FRMD3: variants seen among roughly 807,000 people sequenced by gnomAD.
FRMD3 encodes FERM domain containing 3, also known as FERM domain-containing protein 3.
A neutral mutation model predicts 70.2 loss-of-function variants in FRMD3; 33 were observed. That is an observed-to-expected ratio of 0.47 (90% CI 0.36 to 0.63). FRMD3 has a LOEUF of 0.63. FRMD3 is among the 20% of genes least tolerant of loss of function. The pLI is 0.00. For synonymous variants in FRMD3, 279 were observed against 255.9 expected (o/e 1.09, Z -0.86); for missense variants, 632 against 711.4 (o/e 0.89, Z 1.27).
chr9:83,421,222 G>A (rs1826632704), intron 1 of FRMD3, among the ~76,000 whole-genome samples: 1 of 151,942 alleles, frequency 6.6e-6, no homozygotes, highest in Admixed American at 6.6e-5. Context: ...TTACAGGCGT[G>A]AGCCACCGCG....
intron 2 of FRMD3, among the ~76,000 whole-genome samples, chr9:83,383,364 A>T (rs1337213893): frequency 6.6e-6 from 1 of 152,266 alleles, no homozygotes; most frequent in Admixed American, 6.5e-5. Flanking sequence ...AATGAGAACT[A>T]CTAGATCCTC....
At chr9:83,424,844 C>T (rs868854531) in intron 1 of FRMD3, among the ~76,000 whole-genome samples, 19 of 152,206 alleles carry the variant, frequency 1.2e-4, no homozygotes, top group African/African-American at 4.3e-4. Context: ...TTCATTTTTA[C>T]AGGTGTGAAT....
chr9:83,502,009 T>C (rs1476130123), intron 1 of FRMD3, among the ~76,000 whole-genome samples: 1 of 152,232 alleles, frequency 6.6e-6, no homozygotes, highest in Non-Finnish European at 1.5e-5. Flanking sequence ...AGTGCATGAA[T>C]CATTAACTTG....
At chr9:83,368,500 A>T (rs956052742) in intron 3 of FRMD3, among the ~76,000 whole-genome samples, 1 of 151,890 alleles carries the variant, frequency 6.6e-6, no homozygotes, top group South Asian at 2.1e-4. Flanking sequence ...AAATTAAAAT[A>T]TTAGCATCTC....
At chr9:83,534,920 G>A (rs1829861329) in intron 1 of FRMD3, among the ~76,000 whole-genome samples, 1 of 152,136 alleles carries the variant, frequency 6.6e-6, no homozygotes, top group Non-Finnish European at 1.5e-5. Flanking sequence ...TCAGTCACTG[G>A]TTTAAATTCC....
chr9:83,517,943 C>A (rs952225864), intron 1 of FRMD3, among the ~76,000 whole-genome samples: 4 of 152,196 alleles, frequency 2.6e-5, no homozygotes, highest in African/African-American at 9.6e-5. Flanking sequence ...AACACACCTC[C>A]ATGCTAAAAG....
At chr9:83,256,666 CA>C (rs1169443322) in intron 13 of FRMD3, among the ~76,000 whole-genome samples, 1 of 144,938 alleles carries the variant, frequency 6.9e-6, no homozygotes, top group African/African-American at 2.8e-5. Context: ...ACAAATTTAT[CA>C]GGGGAAAAAA....
At chr9:83,541,876 C>T (rs1291535980), upstream of FRMD3, among the ~76,000 whole-genome samples, 2 of 152,152 alleles carry the variant, frequency 1.3e-5, no homozygotes, top group Non-Finnish European at 2.9e-5. Flanking sequence ...GCTAAAATCC[C>T]CCTACAAATA....
At chr9:83,563,037 C>T in the FRMD3 span, among the ~76,000 whole-genome samples, 1 of 150,714 alleles carries the variant, frequency 6.6e-6, no homozygotes, top group Admixed American at 6.6e-5. Context: ...AATGTGGAAA[C>T]TGAGACGCAA....
intron 1 of FRMD3, among the ~76,000 whole-genome samples, chr9:83,504,918 C>A (rs1471291075): frequency 6.6e-6 from 1 of 152,178 alleles, no homozygotes; most frequent in African/African-American, 2.4e-5. Context: ...GGCAGGAGAT[C>A]TTCTGGGAGA....
intron 1 of FRMD3, among the ~76,000 whole-genome samples, chr9:83,400,979 C>T (rs1314669985): frequency 1.3e-5 from 2 of 152,174 alleles, no homozygotes; most frequent in African/African-American, 4.8e-5. Flanking sequence ...AAAGGCCAAA[C>T]TCTCTGGGAT....
At chr9:83,278,043 G>A (rs910749883) in intron 13 of FRMD3, among the ~76,000 whole-genome samples, 7 of 152,288 alleles carry the variant, frequency 4.6e-5, no homozygotes, top group African/African-American at 1.2e-4. Context: ...ATGAGAGGGA[G>A]CAAACAGGTA....
intron 1 of FRMD3, among the ~76,000 whole-genome samples, chr9:83,464,993 C>T (rs1391900370): frequency 6.7e-6 from 1 of 148,354 alleles, no homozygotes; most frequent in East Asian, 2.0e-4. Context: ...GCACTCCAGC[C>T]TGGGTAACAG....
At chr9:83,265,336 C>T (rs1358866175) in intron 13 of FRMD3, among the ~76,000 whole-genome samples, 1 of 143,152 alleles carries the variant, frequency 7.0e-6, no homozygotes, top group Non-Finnish European at 1.5e-5. Context: ...GGAGGTGGAG[C>T]TTGCAGTGAG....
chr9:83,451,389 T>TCACACACACA (rs10611241), intron 1 of FRMD3, among the ~76,000 whole-genome samples: 3,976 of 147,528 alleles, frequency 0.027, 75 homozygotes, highest in East Asian at 0.053. Context: ...AATACATACA[T>TCACACACACA]CACACACACA....
intron 1 of FRMD3, among the ~76,000 whole-genome samples, chr9:83,452,117 CA>C (rs1215327047): frequency 5.3e-5 from 8 of 152,190 alleles, no homozygotes; most frequent in Admixed American, 1.3e-4. Context: ...GATGGGGGAA[CA>C]AATAACTGTG....
At chr9:83,431,687 C>T (rs1428788650) in intron 1 of FRMD3, among the ~76,000 whole-genome samples, 2 of 152,142 alleles carry the variant, frequency 1.3e-5, no homozygotes, top group Non-Finnish European at 2.9e-5. Context: ...CTTCTCTTGT[C>T]TCTGATTTGT....
chr9:83,490,798 T>TCTCTCACACA (rs752047493), intron 1 of FRMD3, among the ~76,000 whole-genome samples: 6 of 110,784 alleles, frequency 5.4e-5, no homozygotes, highest in East Asian at 2.6e-4. Context: ...TCTCTCTCTC[T>TCTCTCACACA]CACACACACA....
chr9:83,502,038 G>A (rs1216862545), intron 1 of FRMD3, among the ~76,000 whole-genome samples: 1 of 152,152 alleles, frequency 6.6e-6, no homozygotes, highest in African/African-American at 2.4e-5. Flanking sequence ...ATCTAGTTAT[G>A]TGTCTTGTTC....
Sources: allele counts gnomAD v4.1 joint callset (sites outside exome capture counted in the v4.1 genomes callset), GRCh38; gene constraint gnomAD v4.1.1; transcripts MANE v1.5; gene names NCBI Gene and HGNC (gene_info 2026-07-23, HGNC 2026-07-21).